The following GRM7 variants were observed in gnomAD, a reference collection of about 807,000 sequenced individuals.
GRM7 encodes glutamate metabotropic receptor 7.
A neutral mutation model predicts 84.5 loss-of-function variants in GRM7; 35 were observed. That is an observed-to-expected ratio of 0.41 (90% CI 0.32 to 0.55). The LOEUF (loss-of-function observed/expected upper bound fraction) is 0.55. GRM7 is among the 20% of genes least tolerant of loss of function. The pLI, the probability that GRM7 is intolerant of heterozygous loss-of-function variation, is 0.19. For synonymous variants in GRM7, 487 were observed against 455.1 expected, an observed-to-expected ratio of 1.07 and a Z score of -0.89; for missense variants, 1,003 against 1,194.6, an observed-to-expected ratio of 0.84 and a Z score of 2.36.
intron 2 of GRM7, among the ~76,000 whole-genome samples, chr3:7,224,410 C>T (rs1696913431): frequency 6.6e-6 from 1 of 152,176 alleles, no homozygotes; most frequent in African/African-American, 2.4e-5. Context: ...TCAATCACCT[C>T]CCACAGGCCC....
chr3:7,501,249 A>T, intron 7 of GRM7, among the ~76,000 whole-genome samples: 1 of 152,204 alleles, frequency 6.6e-6, no homozygotes, highest in East Asian at 1.9e-4. Flanking sequence ...TTTGATGAAA[A>T]TGATTCAAAT....
At chr3:7,316,195 A>C (rs1700576353) in intron 4 of GRM7, among the ~76,000 whole-genome samples, 1 of 152,108 alleles carries the variant, frequency 6.6e-6, no homozygotes, top group South Asian at 2.1e-4. Flanking sequence ...AGGGAGATGA[A>C]GTCAGGATAT....
At chr3:7,430,445 A>G (rs1291351123) in intron 5 of GRM7, among the ~76,000 whole-genome samples, 1 of 152,264 alleles carries the variant, frequency 6.6e-6, no homozygotes, top group East Asian at 1.9e-4. Flanking sequence ...CTACACAGAC[A>G]TAAAATGAAA....
chr3:7,104,986 T>C (rs57660571), intron 1 of GRM7, among the ~76,000 whole-genome samples: 4,159 of 151,914 alleles, frequency 0.027, 184 homozygotes, highest in African/African-American at 0.096. Flanking sequence ...ATTTAACATA[T>C]TCTCATTTAG....
At chr3:7,371,221 T>C (rs1694118151) in intron 4 of GRM7, among the ~76,000 whole-genome samples, 1 of 152,164 alleles carries the variant, frequency 6.6e-6, no homozygotes, top group Non-Finnish European at 1.5e-5. Context: ...GTTGTAGCCG[T>C]GGCAGATTGC....
Position 7,128,667 on chromosome 3 carries a change from C to A in GRM7, c.520-17785C>A, listed in dbSNP as rs1693486292. Among the ~76,000 whole-genome samples the A allele has an allele frequency of 1.5e-5, 2 of 137,180 alleles. 1 individual carries two copies. The highest frequency in any genetic ancestry group is 4.7e-4 in the South Asian group (2 of 4,276). 90.0% of individuals were successfully genotyped at this position (137,180 alleles called of 152,430 possible). On this transcript the variant is annotated intron_variant, in intron 1 of 9. Coordinates refer to ENST00000357716, the MANE Select transcript of GRM7 (RefSeq NM_000844.4). Reference sequence around the variant, plus strand: ...GATTACAGGTACCCACCACCACGCCCAGCTAATTTTTTCATATTTTAGTAC... The same window carrying A: ...GATTACAGGTACCCACCACCACGCCAAGCTAATTTTTTCATATTTTAGTAC...
chr3:7,463,727 A>T (rs1698346687), intron 7 of GRM7, among the ~76,000 whole-genome samples: 1 of 152,194 alleles, frequency 6.6e-6, no homozygotes. Flanking sequence ...TGATGTGATG[A>T]TGATTTAATC....
At chr3:7,498,733 G>A (rs1479512430) in intron 7 of GRM7, among the ~76,000 whole-genome samples, 1 of 152,106 alleles carries the variant, frequency 6.6e-6, no homozygotes, top group African/African-American at 2.4e-5. Context: ...CTAGTTCAGT[G>A]GTTTCAAACA....
At chr3:7,161,429 A>T (rs1348928499) in intron 2 of GRM7, among the ~76,000 whole-genome samples, 1 of 152,114 alleles carries the variant, frequency 6.6e-6, no homozygotes, top group East Asian at 1.9e-4. Flanking sequence ...CCTGAAAAAA[A>T]AAAAAAAAAG....
intron 8 of GRM7, among the ~76,000 whole-genome samples, chr3:7,622,802 CAAACCAGA>C (rs1697423025): frequency 6.6e-6 from 1 of 152,174 alleles, no homozygotes; most frequent in East Asian, 1.9e-4. Flanking sequence ...AGAGCATGGA[CAAACCAGA>C]GTCCATGAGG....
intron 7 of GRM7, among the ~76,000 whole-genome samples, chr3:7,561,926 G>T (rs913758683): frequency 6.6e-6 from 1 of 152,062 alleles, no homozygotes; most frequent in African/African-American, 2.4e-5. Flanking sequence ...GGCAGTGGGT[G>T]GTGACTTACA....
At chr3:6,908,774 A>G (rs144852857) in intron 1 of GRM7, among the ~76,000 whole-genome samples, 23 of 152,284 alleles carry the variant, frequency 1.5e-4, no homozygotes, top group African/African-American at 5.1e-4. Flanking sequence ...TATGAGAAAC[A>G]TGAGATGTCT....
chr3:7,638,963 C>A (rs1380223431), intron 8 of GRM7, among the ~76,000 whole-genome samples: 1 of 152,186 alleles, frequency 6.6e-6, no homozygotes, highest in Non-Finnish European at 1.5e-5. Flanking sequence ...ATGTGCTTGT[C>A]TTCCCAGGTT....
chr3:7,481,204 A>T (rs1699114981), intron 7 of GRM7, among the ~76,000 whole-genome samples: 1 of 151,962 alleles, frequency 6.6e-6, no homozygotes, highest in African/African-American at 2.4e-5. Context: ...TCAACCTCTC[A>T]AGTAGCTGGG....
At chr3:7,065,087 TA>T (rs1697605629) in intron 1 of GRM7, among the ~76,000 whole-genome samples, 1 of 151,986 alleles carries the variant, frequency 6.6e-6, no homozygotes. Context: ...TTCTGGTTAT[TA>T]GTCCTTTGTC....
chr3:7,589,462 C>T (rs1333046262), intron 8 of GRM7, among the ~76,000 whole-genome samples: 1 of 152,092 alleles, frequency 6.6e-6, no homozygotes, highest in African/African-American at 2.4e-5. Context: ...TTACAATGTA[C>T]TAGGAATGGG....
intron 4 of GRM7, among the ~76,000 whole-genome samples, chr3:7,352,240 A>T (rs1693194066): frequency 6.6e-6 from 1 of 151,930 alleles, no homozygotes; most frequent in Non-Finnish European, 1.5e-5. Flanking sequence ...CATGTTATGA[A>T]CTCTTTATAG....
intron 1 of GRM7, among the ~76,000 whole-genome samples, chr3:6,909,856 G>A (rs1158322262): frequency 6.6e-6 from 1 of 151,968 alleles, no homozygotes; most frequent in African/African-American, 2.4e-5. Context: ...AAATTTTTAT[G>A]TAAAAATTTA....
chr3:7,280,278 C>T (rs1171145512), intron 2 of GRM7, among the ~76,000 whole-genome samples: 2 of 152,186 alleles, frequency 1.3e-5, no homozygotes, highest in Non-Finnish European at 2.9e-5. Flanking sequence ...TCTCTGAAAA[C>T]AGTACACCTG....
Sources: allele counts gnomAD v4.1 joint callset (sites outside exome capture counted in the v4.1 genomes callset), GRCh38; gene constraint gnomAD v4.1.1; transcripts MANE v1.5; gene names NCBI Gene and HGNC (gene_info 2026-07-23, HGNC 2026-07-21).